The following ADAMTSL1 variants were observed in gnomAD, a reference collection of about 807,000 sequenced individuals.
ADAMTSL1 encodes ADAMTS-like protein 1.
ADAMTSL1 carries 126 observed loss-of-function variants against 201.8 expected under a neutral mutation model. That is an observed-to-expected ratio of 0.62 (90% CI 0.54 to 0.72). The LOEUF (loss-of-function observed/expected upper bound fraction) is 0.72. ADAMTSL1 is among the 30% of genes least tolerant of loss of function. The pLI is 0.00. For synonymous variants in ADAMTSL1, 1,121 were observed against 903.4 expected (o/e 1.24, Z -4.32); for missense variants, 2,679 against 2,277.8 (o/e 1.18, Z -3.59).
At chr9:18,442,797 A>G (rs919070009) in intron 2 of ADAMTSL1, among the ~76,000 whole-genome samples, 3 of 152,178 alleles carry the variant, frequency 2.0e-5, no homozygotes, top group Admixed American at 1.3e-4. Flanking sequence ...ACTGGGTGGT[A>G]AAAGGGAGCG....
chr9:18,365,968 T>C (rs1836749609), intron 2 of ADAMTSL1, among the ~76,000 whole-genome samples: 1 of 152,120 alleles, frequency 6.6e-6, no homozygotes, highest in Non-Finnish European at 1.5e-5. Flanking sequence ...GATGGAACAG[T>C]TTCATTCCCA....
At chr9:18,653,226 C>G (rs998930117) in intron 7 of ADAMTSL1, among the ~76,000 whole-genome samples, 3 of 152,196 alleles carry the variant, frequency 2.0e-5, no homozygotes, top group African/African-American at 7.2e-5. Flanking sequence ...CAGATCCCTG[C>G]CCAATCCTGC....
chr9:18,644,056 T>C (rs977916742), intron 7 of ADAMTSL1, among the ~76,000 whole-genome samples: 1 of 152,020 alleles, frequency 6.6e-6, no homozygotes, highest in African/African-American at 2.4e-5. Context: ...AATTTTTTCA[T>C]CAATCTTTTA....
intron 20 of ADAMTSL1, among the ~76,000 whole-genome samples, chr9:18,816,479 G>T (rs1018560795): frequency 6.6e-6 from 1 of 151,924 alleles, no homozygotes; most frequent in Non-Finnish European, 1.5e-5. Flanking sequence ...TCAAGTGATC[G>T]ACCCACCTCA....
At chr9:18,063,394 A>G (rs1349266571) in intron 1 of ADAMTSL1, among the ~76,000 whole-genome samples, 1 of 152,226 alleles carries the variant, frequency 6.6e-6, no homozygotes, top group East Asian at 1.9e-4. Context: ...CTATTTTGTA[A>G]CAGTTAACTA....
chr9:18,660,650 G>A (rs1472504468), intron 8 of ADAMTSL1, among the ~76,000 whole-genome samples: 1 of 152,130 alleles, frequency 6.6e-6, no homozygotes, highest in African/African-American at 2.4e-5. Context: ...TGCTTTTAGA[G>A]TACAGTGTAA....
At chr9:18,829,668 G>C (rs1035457412) in intron 22 of ADAMTSL1, among the ~76,000 whole-genome samples, 175 bp from the exon 23 acceptor site, 2 of 152,114 alleles carry the variant, frequency 1.3e-5, no homozygotes, top group Non-Finnish European at 2.9e-5. Flanking sequence ...TTGAAATTCA[G>C]ACTCACCTTG....
At chr9:18,066,567 A>C (rs1169361161) in intron 1 of ADAMTSL1, among the ~76,000 whole-genome samples, 2 of 152,222 alleles carry the variant, frequency 1.3e-5, no homozygotes, top group Non-Finnish European at 2.9e-5. Context: ...TTATATTTTT[A>C]GGTAATTAAA....
chr9:18,774,201 C>T (rs562681146), intron 17 of ADAMTSL1, among the ~76,000 whole-genome samples: 1 of 152,196 alleles, frequency 6.6e-6, no homozygotes, highest in Non-Finnish European at 1.5e-5. Context: ...GCATCCCTTC[C>T]ATACAATGTT....
At chr9:18,874,939 C>G (rs1341502864) in intron 23 of ADAMTSL1, among the ~76,000 whole-genome samples, 1 of 151,974 alleles carries the variant, frequency 6.6e-6, no homozygotes, top group Admixed American at 6.6e-5. Flanking sequence ...ATTTCAGTCT[C>G]ACTGCTTGTT....
intron 2 of ADAMTSL1, among the ~76,000 whole-genome samples, chr9:18,519,430 A>G (rs1340443177): frequency 6.6e-6 from 1 of 152,174 alleles, no homozygotes; most frequent in Non-Finnish European, 1.5e-5. Context: ...TATCACCCAT[A>G]TAGGACCTCC....
chr9:18,196,964 C>G (rs1171459666), intron 2 of ADAMTSL1, among the ~76,000 whole-genome samples: 1 of 152,118 alleles, frequency 6.6e-6, no homozygotes, highest in Admixed American at 6.6e-5. Context: ...CACTCCCTCA[C>G]ACACATGCTA....
chr9:18,023,581 A>G (rs1156243225), intron 1 of ADAMTSL1, among the ~76,000 whole-genome samples: 3 of 152,170 alleles, frequency 2.0e-5, no homozygotes, highest in Non-Finnish European at 4.4e-5. Flanking sequence ...ATTCCCGTGG[A>G]TGGAGCAGAG....
chr9:17,918,513 A>G (rs1297215204), intron 1 of ADAMTSL1, among the ~76,000 whole-genome samples: 1 of 151,858 alleles, frequency 6.6e-6, no homozygotes, highest in Non-Finnish European at 1.5e-5. Context: ...TGTCACTTGA[A>G]TCCTTTTTAA....
chr9:18,344,496 T>G (rs924954266), intron 2 of ADAMTSL1, among the ~76,000 whole-genome samples: 2 of 152,134 alleles, frequency 1.3e-5, no homozygotes, highest in Admixed American at 1.3e-4. Context: ...CATATCTATA[T>G]GTATCTTTTA....
At chr9:18,547,579 A>T (rs189185313) in intron 3 of ADAMTSL1, among the ~76,000 whole-genome samples, 75 of 142,412 alleles carry the variant, frequency 5.3e-4, no homozygotes, top group Admixed American at 9.4e-4. Context: ...AGAAAACTTG[A>T]TGTCAGGAGT....
At chr9:18,641,753 C>A (rs1299683166) in intron 7 of ADAMTSL1, among the ~76,000 whole-genome samples, 4 of 151,818 alleles carry the variant, frequency 2.6e-5, no homozygotes, top group Non-Finnish European at 4.4e-5. Flanking sequence ...ACTTTCTCTT[C>A]CCTAATTTTC....
rs10963409 is a variant in ADAMTSL1, at chr9:18,046,048, C to T, written c.88-117814C>T. ...CCATTGTGGAAAGAATTGTCTTGTT[C>T]CTGGATGATATATTTTGTTCTTTTT... On this transcript the variant is annotated intron_variant, in intron 1 of 29. Coordinates refer to the ADAMTSL1 transcript ENST00000680146. Among the ~76,000 whole-genome samples, 578 of 152,138 alleles carry T rather than the reference C, an allele frequency of 3.8e-3. 1 individual carries two copies. Among genetic ancestry groups the T allele is most frequent in the Non-Finnish European group, 6.5e-3 (441 of 67,974 alleles).
Position 18,574,021 on chromosome 9 carries a change from T to A in ADAMTSL1, c.238-9T>A, listed in dbSNP as rs774686444. The A allele has an allele frequency of 6.2e-7, 1 of 1,610,110 alleles. No individual in the cohort carries two copies. The highest frequency in any genetic ancestry group is 1.3e-5 in the African/African-American group (1 of 74,770). On this transcript the variant is annotated splice_polypyrimidine_tract_variant and intron_variant, in intron 3 of 28. Coordinates refer to ENST00000380548, the MANE Select transcript of ADAMTSL1 (RefSeq NM_001040272.6). ...ACCTTTGTATGTCCTTTCTCTCTTT[T>A]TTCTCCAGGACTGCCCACCAGAAGC...
Sources: allele counts gnomAD v4.1 joint callset (sites outside exome capture counted in the v4.1 genomes callset), GRCh38; gene constraint gnomAD v4.1.1; transcripts MANE v1.5; gene names NCBI Gene and HGNC (gene_info 2026-07-23, HGNC 2026-07-21).